The following SATL1 variants were observed in gnomAD, a reference collection of about 807,000 sequenced individuals.
SATL1 encodes spermidine/spermine N1-acetyl transferase like 1, also known as spermidine/spermine N(1)-acetyltransferase-like protein 1.
SATL1 carries 47 observed loss-of-function variants against 51.8 expected under a neutral mutation model. That is an observed-to-expected ratio of 0.91 (90% confidence interval 0.72 to 1.16). The LOEUF is 1.16. Among genes scored for constraint, SATL1 ranks in the 50% most tolerant of loss-of-function variants. The pLI, the probability that SATL1 is intolerant of heterozygous loss-of-function variation, is 0.00. For missense variants in SATL1, 520 were observed against 526.4 expected, an observed-to-expected ratio of 0.99 and a Z score of 0.12; for synonymous variants, 176 against 182.4, an observed-to-expected ratio of 0.97 and a Z score of 0.28.
intron 2 of SATL1, among the ~76,000 whole-genome samples, chrX:85,181,189 A>G (rs200107031): frequency 1.8e-3 from 134 of 74,401 alleles, no homozygotes; most frequent in Non-Finnish European, 2.5e-3. Flanking sequence ...GTGTGTGTGT[A>G]TATATATATA....
rs190789829 is a variant in SATL1 at position 85,216,716 on chromosome X, C to T, written c.-313+7489G>A. On this transcript the variant is annotated intron_variant, in intron 2 of 7. Transcript: ENST00000644105. Reference sequence around the variant, plus strand: ...AATAACAATGTATTCAAGAGAGTAACTATTGTATTGATATTCCCTATCATT... The same window carrying T: ...AATAACAATGTATTCAAGAGAGTAATTATTGTATTGATATTCCCTATCATT... 1.1e-4 allele frequency among the ~76,000 whole-genome samples: 12 copies of T among 111,538 alleles called. No homozygotes were observed. The East Asian group carries it at 2.5e-3, about 24-fold the overall frequency.
chrX:85,121,605 T>G (rs1488530033), intron 2 of SATL1, among the ~76,000 whole-genome samples: 1 of 106,740 alleles, frequency 9.4e-6, no homozygotes, highest in East Asian at 2.9e-4. Flanking sequence ...ACACCTCCCT[T>G]AAGTCTTATT....
chrX:85,111,218 A>G (rs1216739224), intron 2 of SATL1, among the ~76,000 whole-genome samples: 1 of 112,956 alleles, frequency 8.9e-6, no homozygotes, highest in Non-Finnish European at 1.9e-5. Flanking sequence ...AGTTAGAAAA[A>G]TGCAGTTTCA....
chrX:85,243,143 T>C, intron 1 of SATL1, among the ~76,000 whole-genome samples: 1 of 112,500 alleles, frequency 8.9e-6, no homozygotes, highest in Non-Finnish European at 1.9e-5. Context: ...AATAACATGC[T>C]TTATTTGTAA....
chrX:85,181,437 G>C (rs1927200947), intron 2 of SATL1, among the ~76,000 whole-genome samples: 1 of 109,820 alleles, frequency 9.1e-6, no homozygotes, highest in African/African-American at 3.3e-5. Flanking sequence ...TATTTTGAGA[G>C]GAACTGGGGA....
chrX:85,218,289 T>C (rs937278261), intron 2 of SATL1, among the ~76,000 whole-genome samples: 2 of 111,129 alleles, frequency 1.8e-5, no homozygotes, highest in Admixed American at 1.9e-4. Context: ...AAAAATAAAA[T>C]ATTCCATTCA....
chrX:85,181,782 A>G (rs1230018715), intron 2 of SATL1, among the ~76,000 whole-genome samples: 2 of 111,826 alleles, frequency 1.8e-5, no homozygotes, highest in Non-Finnish European at 3.8e-5. Context: ...GACTGTTTTA[A>G]CTACTTAAAG....
intron 4 of SATL1, among the ~76,000 whole-genome samples, chrX:85,097,840 A>C (rs1924776637): frequency 8.9e-6 from 1 of 112,208 alleles, no homozygotes; most frequent in Non-Finnish European, 1.9e-5. Context: ...TACACACATA[A>C]GGAAATGAGA....
Position 85,128,982 on chromosome X carries a change from C to G in SATL1, c.-312-19702G>C, listed in dbSNP as rs774059306. 1.1e-4 allele frequency among the ~76,000 whole-genome samples: 12 copies of G among 111,511 alleles called. No homozygotes were observed. The East Asian group carries it at 2.0e-3, about 18-fold the overall frequency. The stretch of plus-strand genomic sequence containing the variant: ...AGATGTGTGGTGTTATTTCTGAGGG[C>G]TCTGTTCTGTTCCATTGGTCTATCT... On this transcript the variant is annotated intron_variant, in intron 2 of 7. Coordinates refer to ENST00000644105, the MANE Select transcript of SATL1 (RefSeq NM_001367857.2).
In SATL1 at chrX:85,108,414, T is replaced by C. The variant is rs770290867; in HGVS notation, c.555A>G (p.Gln185=). 1.6e-5 allele frequency: 19 copies of C among 1,211,914 alleles called. No individual in the cohort carries two copies. The highest frequency in any genetic ancestry group is 2.0e-5 in the Non-Finnish European group (18 of 895,557). Residue 185 remains glutamine, a synonymous_variant, in exon 3 of 8, where the codon CAA becomes CAG. Transcript: ENST00000644105. ...QTGLSQPVLR[Q]PNMSPPGMWQ... ...ACATGCCTGGTGGACTCATGTTTGG[T>C]TGCCTCAGGACTGGTTGGCTCAGTC...
Position 85,107,941 on chromosome X carries a change from T to A in SATL1, c.1028A>T (p.Glu343Val), listed in dbSNP as rs1925116599. 5 of 1,211,497 alleles carry A rather than the reference T, an allele frequency of 4.1e-6. No individual in the cohort carries two copies. In the East Asian group the frequency reaches 1.5e-4, roughly 36 times the overall value. ...PQSLSELVLS[E>V]ASISQPGPPQ... ...TGGACCTGGTTGGCTTATGCTTGCTTCACTCAGGACTAGTTCGCTCAGGCT... is the reference window on the plus strand; with the variant it reads ...TGGACCTGGTTGGCTTATGCTTGCTACACTCAGGACTAGTTCGCTCAGGCT... The change falls in exon 3 of 8, where the codon GAA (glutamate) becomes GTA (valine). Residue 343 changes from glutamate to valine, a missense_variant. Physicochemically the swap from Glu to Val is moderately radical, Grantham distance 121 (BLOSUM62 -2). Coordinates refer to ENST00000644105, the MANE Select transcript of SATL1 (RefSeq NM_001367857.2).
chrX:85,130,613 AT>A (rs986913828), intron 2 of SATL1, among the ~76,000 whole-genome samples: 1 of 111,123 alleles, frequency 9.0e-6, no homozygotes, highest in African/African-American at 3.3e-5. Flanking sequence ...AGATTCATTG[AT>A]TTTTTGAAGG....
At chrX:85,128,901 G>A (rs189126095) in intron 2 of SATL1, among the ~76,000 whole-genome samples, 1,476 of 111,912 alleles carry the variant, frequency 0.013, 9 homozygotes, top group Non-Finnish European at 0.02. Context: ...TATTAAAAAG[G>A]GAATCCTTTC....
intron 2 of SATL1, among the ~76,000 whole-genome samples, chrX:85,113,028 G>A (rs1239134434): frequency 9.0e-6 from 1 of 111,252 alleles, no homozygotes; most frequent in African/African-American, 3.3e-5. Flanking sequence ...GCGCGGGGCT[G>A]GTGGTGGTGG....
At chrX:85,147,130 T>C (rs1035168777) in intron 2 of SATL1, among the ~76,000 whole-genome samples, 7 of 114,648 alleles carry the variant, frequency 6.1e-5, no homozygotes, top group African/African-American at 2.2e-4. Context: ...TACTGTGCTT[T>C]TCCGACGGGC....
At chrX:85,166,267 G>A (rs67318323) in intron 2 of SATL1, among the ~76,000 whole-genome samples, 26,327 of 110,623 alleles carry the variant, frequency 0.24, 3,275 homozygotes, top group African/African-American at 0.48. Context: ...AACAACAAAA[G>A]AGATAAATAG....
intron 7 of SATL1, 60 bp from the exon 8 acceptor site, chrX:85,092,621 CAT>C (rs1444675709): frequency 1.2e-5 from 12 of 1,035,788 alleles, no homozygotes; most frequent in African/African-American, 3.7e-5. Context: ...TTCGTTAACA[CAT>C]ATATTTTATT....
chrX:85,236,006 T>A (rs1928473944), intron 1 of SATL1, among the ~76,000 whole-genome samples: 1 of 110,794 alleles, frequency 9.0e-6, no homozygotes, highest in South Asian at 3.8e-4. Context: ...AAAGAAGACA[T>A]CACTACTAAT....
intron 1 of SATL1, among the ~76,000 whole-genome samples, chrX:85,235,029 ATG>A (rs771363711): frequency 1.8e-5 from 2 of 111,578 alleles, no homozygotes; most frequent in Non-Finnish European, 3.8e-5. Flanking sequence ...ATGAAAAAAT[ATG>A]TTCCATGCAA....
Sources: allele counts gnomAD v4.1 joint callset (sites outside exome capture counted in the v4.1 genomes callset), GRCh38; gene constraint gnomAD v4.1.1; transcripts MANE v1.5; gene names NCBI Gene and HGNC (gene_info 2026-07-23, HGNC 2026-07-21).